PTPRN: variants seen among roughly 807,000 people sequenced by gnomAD.
PTPRN encodes protein tyrosine phosphatase receptor type N.
PTPRN carries 70 observed loss-of-function variants against 108.5 expected under a neutral mutation model. The ratio of observed to expected loss-of-function variants is 0.65; its 90% CI spans 0.53 to 0.79. PTPRN has a LOEUF of 0.79. PTPRN is among the 30% of genes least tolerant of loss of function. The pLI, the probability that PTPRN is intolerant of heterozygous loss-of-function variation, is 0.00. For missense variants in PTPRN, 1,136 were observed against 1,295.5 expected (o/e 0.88, Z 1.89); for synonymous variants, 496 against 524.6 (o/e 0.95, Z 0.75).
intron 19 of PTPRN, among the ~76,000 whole-genome samples, chr2:219,294,590 A>C (rs1952134652): frequency 7.1e-6 from 1 of 140,492 alleles, no homozygotes. Flanking sequence ...AGCGCAGTGC[A>C]GGGCCTGGAG....
At chr2:219,308,767 C>G in intron 1 of PTPRN, 1 of 1,181,054 alleles carries the variant, frequency 8.5e-7, no homozygotes, top group Non-Finnish European at 1.1e-6. Context: ...CCTGGCCTCT[C>G]TCTCTGCCCA....
chr2:219,301,492 C>T (rs1952344773), intron 7 of PTPRN, 96 bp downstream of exon 7: 7 of 1,464,012 alleles, frequency 4.8e-6, no homozygotes, highest in South Asian at 2.7e-5. Context: ...AAGCCTGACT[C>T]TTCCTCTCCA....
rs759485068 is a variant in PTPRN, at chr2:219,296,184, C to G, written c.2508+42G>C. On this transcript the variant is annotated intron_variant, in intron 18 of 22. Transcript: ENST00000295718. This position sits in a 1 kb window ranked among gnomAD's most constrained non-coding sequence, Gnocchi z 6.0. ...CGTTACGAAAAGGCCATCATCTACTCTTCCCACATCCATTGTCCCCTTGCT... is the reference window on the plus strand; with the variant it reads ...CGTTACGAAAAGGCCATCATCTACTGTTCCCACATCCATTGTCCCCTTGCT... The G allele has an allele frequency of 6.2e-7, 1 of 1,607,776 alleles. No individual in the cohort carries two copies. The highest frequency in any genetic ancestry group is 1.1e-5 in the South Asian group (1 of 90,956).
At chr2:219,291,901 CT>C (rs1952062640) in intron 19 of PTPRN, 1 of 297,488 alleles carries the variant, frequency 3.4e-6, no homozygotes, top group Non-Finnish European at 6.4e-6. Flanking sequence ...ACAATAGGTG[CT>C]CAATACATGG....
Position 219,302,587 on chromosome 2 carries a change from G to A in PTPRN, c.628C>T (p.Leu210=), listed in dbSNP as rs772709541. The A allele has an allele frequency of 1.2e-6, 2 of 1,614,102 alleles. No homozygotes were observed. The highest frequency in any genetic ancestry group is 1.7e-5 in the Admixed American group (1 of 60,002). ...AGTCAAGGACTTACCTGGTGGAACA[G>A]GTAGGGCTGCAGCAAGGCAGGTTCG... ...SYEPALLQPY[L]FHQFGSRDGS... is the part of the protein sequence containing the mutation. Residue 210 remains leucine (L), a synonymous_variant, in exon 5 of 23, where the codon CTG becomes TTG. Coordinates refer to ENST00000295718, the MANE Select transcript of PTPRN (RefSeq NM_002846.4).
Position 219,296,937 on chromosome 2 carries a change from C to T in PTPRN, c.2236+48G>A, listed in dbSNP as rs370494312. The T allele has an allele frequency of 3.2e-5, 52 of 1,612,558 alleles. No individual in the cohort carries two copies. The highest frequency in any genetic ancestry group is 4.0e-5 in the Non-Finnish European group (47 of 1,179,156). ...CCCTTACCCCAAGCCCTCCAGACCT[C>T]GCAGCAGAGAGAGGGCTGGGCCAGG... On this transcript the variant is annotated intron_variant, in intron 15 of 22. Coordinates refer to ENST00000295718, the MANE Select transcript of PTPRN (RefSeq NM_002846.4). The surrounding 1 kb of genome is among the most constrained non-coding windows in gnomAD (Gnocchi z 6.0).
At chr2:219,293,754 C>G (rs1462369002) in intron 19 of PTPRN, among the ~76,000 whole-genome samples, 1 of 152,212 alleles carries the variant, frequency 6.6e-6, no homozygotes, top group Non-Finnish European at 1.5e-5. Context: ...GTCCCCACCC[C>G]CAGCTCTGCT....
Position 219,299,035 on chromosome 2 carries a change from G to A in PTPRN, c.1668+12C>T. ...TCTGGGGACTTGGACTGATTCTCCA[G>A]TTAGCGCATACCTGTCCCACTCCTG... On this transcript the variant is annotated intron_variant, in intron 12 of 22. Coordinates refer to ENST00000295718, the MANE Select transcript of PTPRN (RefSeq NM_002846.4). 6.2e-7 allele frequency: 1 copy of A among 1,614,222 alleles called. No individual in the cohort carries two copies. Among genetic ancestry groups the A allele is most frequent in the Non-Finnish European group, 8.5e-7 (1 of 1,180,010 alleles).
At chr2:219,298,184 CA>C (rs1952250808) in intron 12 of PTPRN, 81 bp from the exon 13 acceptor site, 15 of 1,384,402 alleles carry the variant, frequency 1.1e-5, no homozygotes, top group Non-Finnish European at 2.0e-6. Flanking sequence ...TCCCATGCCA[CA>C]CCCCCTGTTA....
At chr2:219,293,676 G>A (rs553906199) in intron 19 of PTPRN, among the ~76,000 whole-genome samples, 48 of 152,246 alleles carry the variant, frequency 3.2e-4, no homozygotes, top group Non-Finnish European at 6.5e-4. Flanking sequence ...CTTTCAAGAC[G>A]CCTGTGTCTC....
In PTPRN at chr2:219,302,243, C is replaced by T. The variant is rs1269886140; in HGVS notation, c.888G>A (p.Leu296=). The T allele has an allele frequency of 6.2e-7, 1 of 1,614,178 alleles. No homozygotes were observed. Among genetic ancestry groups the T allele is most frequent in the Admixed American group, 1.7e-5 (1 of 60,020 alleles). The part of the protein sequence containing the change: ...PAPSRARVPR[L]PEQGSSSRAE... ...CCCGGCTGCTGCTCCCTTGCTCTGGCAGCCTTGGCACCCTGGCCCTGCTGG... is the reference window on the plus strand; with the variant it reads ...CCCGGCTGCTGCTCCCTTGCTCTGGTAGCCTTGGCACCCTGGCCCTGCTGG... Residue 296 remains leucine, a synonymous_variant, in exon 6 of 23, where the codon CTG becomes CTA. Transcript: ENST00000295718.
chr2:219,295,884 G>A (rs1004024354), intron 18 of PTPRN: 2 of 248,606 alleles, frequency 8.0e-6, no homozygotes, highest in East Asian at 1.9e-4. Flanking sequence ...ACACTTAGCT[G>A]TTAGCTTCTT....
At position 219,299,680 on chromosome 2, in the gene PTPRN, T is replaced by C. The variant is rs760831613; in HGVS notation, c.1523+20A>G. 8 of 1,578,108 alleles carry C rather than the reference T, an allele frequency of 5.1e-6. No individual in the cohort carries two copies. The highest frequency in any genetic ancestry group is 6.9e-6 in the Non-Finnish European group (8 of 1,157,118). On this transcript the variant is annotated intron_variant, in intron 10 of 22. Transcript: ENST00000295718. Reference sequence around the variant, plus strand: ...GCTTTCTAGATCTCGGCCACTGCCCTAGCAAGATGCCAGCCCCACCTGATG... The same window carrying C: ...GCTTTCTAGATCTCGGCCACTGCCCCAGCAAGATGCCAGCCCCACCTGATG...
chr2:219,307,942 CT>C, intron 1 of PTPRN, 100 bp from the exon 2 acceptor site: 1 of 1,210,666 alleles, frequency 8.3e-7, no homozygotes, highest in Non-Finnish European at 1.2e-6. Flanking sequence ...GCAATTTATT[CT>C]TTCATTCTAA....
intron 3 of PTPRN, among the ~76,000 whole-genome samples, chr2:219,305,108 T>C (rs1186212430): frequency 6.6e-6 from 1 of 152,160 alleles, no homozygotes; most frequent in Non-Finnish European, 1.5e-5. Flanking sequence ...ACACTGTTGG[T>C]CACTCCTCCT....
intron 8 of PTPRN, 199 bp from the exon 9 acceptor site, chr2:219,300,458 T>A (rs1952316732): frequency 3.6e-6 from 2 of 554,494 alleles, no homozygotes; most frequent in Non-Finnish European, 6.1e-6. Context: ...AAGGATTGAA[T>A]GATTGAAAAT....
Position 219,289,829 on chromosome 2 carries a change from G to T in PTPRN, c.*397C>A. On this transcript the variant is annotated 3_prime_UTR_variant, in exon 23 of 23. Transcript: ENST00000295718. ...CCGGGGCTGAGAAGCAGGGGGAGCC[G>T]GGTGTGGCGACCCTCCACCCCATTC... 5.5e-6 allele frequency: 1 copy of T among 180,202 alleles called. No individual in the cohort carries two copies. The highest frequency in any genetic ancestry group is 1.2e-5 in the Non-Finnish European group (1 of 84,858). 11.2% of individuals were successfully genotyped at this position (180,202 alleles called of 1,614,324 possible). A position where few individuals can be genotyped will look rare whatever the true frequency, so the allele number is the denominator to read the frequency against.
chr2:219,299,193 G>A, intron 11 of PTPRN, 82 bp from the exon 12 acceptor site: 1 of 1,599,800 alleles, frequency 6.3e-7, no homozygotes, highest in Non-Finnish European at 8.6e-7. Flanking sequence ...CAGCAGGCAG[G>A]GCCCATGTGG....
chr2:219,305,496 C>T (rs1249973681), intron 3 of PTPRN, among the ~76,000 whole-genome samples: 1 of 152,112 alleles, frequency 6.6e-6, no homozygotes, highest in Non-Finnish European at 1.5e-5. Flanking sequence ...CTGCCCCAGC[C>T]TCCTAAAGTA....
Sources: allele counts gnomAD v4.1 joint callset (sites outside exome capture counted in the v4.1 genomes callset), GRCh38; gene constraint gnomAD v4.1.1; non-coding constraint Gnocchi (gnomAD v3.1); transcripts MANE v1.5; gene names NCBI Gene and HGNC (gene_info 2026-07-23, HGNC 2026-07-21).